The following KIF16B variants were observed in gnomAD, a reference collection of about 807,000 sequenced individuals.
KIF16B encodes the protein kinesin-like protein KIF16B.
In KIF16B, 98 loss-of-function variants were observed where a neutral mutation model predicts 156.3. That is an observed-to-expected ratio of 0.63 (90% CI 0.53 to 0.74). The LOEUF is 0.74. Among genes scored for constraint, KIF16B ranks in the 30% least tolerant of loss-of-function variants. The pLI is 0.00. For missense variants in KIF16B, 1,421 were observed against 1,606.5 expected, an observed-to-expected ratio of 0.88 and a Z score of 1.97; for synonymous variants, 564 against 583.7, an observed-to-expected ratio of 0.97 and a Z score of 0.49.
chr20:16,564,852 C>G (rs915279076), intron 1 of KIF16B, among the ~76,000 whole-genome samples: 2 of 152,076 alleles, frequency 1.3e-5, no homozygotes, highest in Admixed American at 1.3e-4. Context: ...GCCTCCCACC[C>G]CTCCACAGAC....
At chr20:16,282,622 AAG>A (rs1221312618) in intron 25 of KIF16B, among the ~76,000 whole-genome samples, 14 of 152,074 alleles carry the variant, frequency 9.2e-5, no homozygotes, top group African/African-American at 3.4e-4. Flanking sequence ...AGCAGGTACC[AAG>A]CCTAGCAGCT....
intron 7 of KIF16B, among the ~76,000 whole-genome samples, chr20:16,507,138 C>A (rs1439356012): frequency 6.6e-6 from 1 of 151,264 alleles, no homozygotes; most frequent in Non-Finnish European, 1.5e-5. Flanking sequence ...ATATGCTAAT[C>A]AAGCACTAAC....
At chr20:16,381,620 T>A (rs41276372) in intron 18 of KIF16B, 74 bp downstream of exon 18, 158,608 of 1,109,208 alleles carry the variant, frequency 0.14, 13,078 homozygotes, top group East Asian at 0.34. Context: ...CAGACACAGA[T>A]GGAATCAGTC....
Position 16,506,096 on chromosome 20 carries a change from G to A in KIF16B, c.794C>T (p.Thr265Ile), listed in dbSNP as rs756519206. The change falls in exon 8 of 26, where the codon ACC becomes ATC. Residue 265 changes from threonine to isoleucine, a missense_variant. By Grantham distance (89) the Thr-to-Ile change is moderately conservative (BLOSUM62 -1). Coordinates refer to ENST00000354981, the MANE Select transcript of KIF16B (RefSeq NM_024704.5). Reference protein sequence around the residue: ...GSERADATGATGVRLKEGGNI... With the variant: ...GSERADATGAIGVRLKEGGNI... ...TCCCCCTTCCTTTAGCCTAACCCCG[G>A]TGGCTCCGGTGGCATCTGCACGCTC... 3.1e-6 allele frequency: 5 copies of A among 1,613,866 alleles called. No individual in the cohort carries two copies. The highest frequency in any genetic ancestry group is 1.1e-5 in the South Asian group (1 of 91,080).
At chr20:16,333,595 T>C (rs1016244162) in intron 24 of KIF16B, among the ~76,000 whole-genome samples, 1 of 152,226 alleles carries the variant, frequency 6.6e-6, no homozygotes, top group Non-Finnish European at 1.5e-5. Flanking sequence ...TACTCTCATG[T>C]ATGTGATAAT....
chr20:16,452,514 C>T (rs113173727), intron 12 of KIF16B, among the ~76,000 whole-genome samples: 11,588 of 151,770 alleles, frequency 0.076, 613 homozygotes, highest in African/African-American at 0.14. Flanking sequence ...AAGACATGAC[C>T]GGAAACAGGG....
chr20:16,541,472 C>T (rs2147232949), intron 1 of KIF16B, among the ~76,000 whole-genome samples: 1 of 152,346 alleles, frequency 6.6e-6, no homozygotes, highest in South Asian at 2.1e-4. Context: ...GAGCCAAGGA[C>T]AACGATGCTA....
intron 25 of KIF16B, among the ~76,000 whole-genome samples, chr20:16,282,653 G>A (rs935542515): frequency 1.3e-5 from 2 of 151,982 alleles, no homozygotes; most frequent in African/African-American, 4.8e-5. Context: ...GGGCTTTGGG[G>A]CATCACCAAT....
intron 1 of KIF16B, among the ~76,000 whole-genome samples, chr20:16,558,813 A>C (rs1246766525): frequency 6.6e-6 from 1 of 151,744 alleles, no homozygotes; most frequent in Non-Finnish European, 1.5e-5. Flanking sequence ...CTGAAGCACA[A>C]GAATCGCCTG....
intron 25 of KIF16B, among the ~76,000 whole-genome samples, chr20:16,289,558 A>G (rs6043862): frequency 0.33 from 49,449 of 152,118 alleles, 8,102 homozygotes; most frequent in East Asian, 0.4. Context: ...CCTTTATTTA[A>G]AGAGTTGTGT....
intron 3 of KIF16B, among the ~76,000 whole-genome samples, chr20:16,520,230 G>C (rs541669967): frequency 6.6e-6 from 1 of 152,016 alleles, no homozygotes; most frequent in African/African-American, 2.4e-5. Context: ...AAGTGGTCTA[G>C]CTCAGCAAAT....
At chr20:16,390,288 A>G (rs1443884766) in intron 17 of KIF16B, among the ~76,000 whole-genome samples, 1 of 152,210 alleles carries the variant, frequency 6.6e-6, no homozygotes, top group East Asian at 1.9e-4. Flanking sequence ...TTAAAAAATA[A>G]TAAAATTTGA....
intron 6 of KIF16B, 136 bp downstream of exon 6, chr20:16,511,282 T>C: frequency 2.1e-6 from 1 of 476,286 alleles, no homozygotes; most frequent in Non-Finnish European, 3.7e-6. Flanking sequence ...TGACAGCTCA[T>C]GACATTCTTA....
intron 6 of KIF16B, among the ~76,000 whole-genome samples, chr20:16,510,584 G>A (rs1245585400): frequency 6.6e-6 from 1 of 152,144 alleles, no homozygotes; most frequent in Non-Finnish European, 1.5e-5. Flanking sequence ...AGGAGACAGA[G>A]GTTGCCATGA....
intron 15 of KIF16B, among the ~76,000 whole-genome samples, chr20:16,419,137 T>C (rs1162937362): frequency 3.3e-5 from 5 of 152,112 alleles, no homozygotes; most frequent in Admixed American, 6.6e-5. Context: ...ATGACATACT[T>C]TGAGGACCAC....
intron 25 of KIF16B, among the ~76,000 whole-genome samples, chr20:16,293,154 C>A (rs2063336841): frequency 6.6e-6 from 1 of 152,144 alleles, no homozygotes; most frequent in South Asian, 2.1e-4. Context: ...ATCATTAAGG[C>A]AATTTCCCAG....
At chr20:16,487,358 G>A (rs1364101357) in intron 12 of KIF16B, among the ~76,000 whole-genome samples, 1 of 152,080 alleles carries the variant, frequency 6.6e-6, no homozygotes, top group Non-Finnish European at 1.5e-5. Context: ...TCAGTGCCCT[G>A]GACAACAGGA....
At chr20:16,274,314 G>A (rs1314952365) in intron 25 of KIF16B, among the ~76,000 whole-genome samples, 1 of 152,176 alleles carries the variant, frequency 6.6e-6, no homozygotes, top group Non-Finnish European at 1.5e-5. Context: ...CCAGACCCCT[G>A]CTGCATGTTT....
At chr20:16,376,888 C>T (rs929928895) in intron 19 of KIF16B, among the ~76,000 whole-genome samples, 2 of 152,182 alleles carry the variant, frequency 1.3e-5, no homozygotes, top group African/African-American at 4.8e-5. Flanking sequence ...ACATAACATA[C>T]CTGCAATCAT....
Sources: gnomAD v4.1 joint callset for allele counts (sites outside exome capture counted in the v4.1 genomes callset) on GRCh38, gnomAD v4.1.1 for gene constraint, MANE v1.5 for transcripts, NCBI Gene and HGNC (gene_info 2026-07-23, HGNC 2026-07-21) for gene names.